NRXN1: variants seen among roughly 807,000 people sequenced by gnomAD.
NRXN1 encodes the protein neurexin 1, also known as neurexin-1.
A neutral mutation model predicts 150.9 loss-of-function variants in NRXN1; 39 were observed. That is an observed-to-expected ratio of 0.26 (90% CI 0.20 to 0.34). The LOEUF (loss-of-function observed/expected upper bound fraction) is 0.34, where lower values mean the gene tolerates loss of function less well. NRXN1 is among the 10% of genes least tolerant of loss of function. NRXN1 has a pLI of 1.00. For missense variants in NRXN1, 1,815 were observed against 1,949.9 expected (o/e 0.93, Z 1.30); for synonymous variants, 924 against 757.0 (o/e 1.22, Z -3.62).
chr2:50,890,629 A>T (rs1680909042), intron 5 of NRXN1, among the ~76,000 whole-genome samples: 1 of 151,884 alleles, frequency 6.6e-6, no homozygotes, highest in Non-Finnish European at 1.5e-5. Flanking sequence ...GTTAAGTATG[A>T]ATGTGATTAT....
chr2:51,014,179 G>A (rs767356471), intron 2 of NRXN1, among the ~76,000 whole-genome samples: 1 of 152,086 alleles, frequency 6.6e-6, no homozygotes, highest in Non-Finnish European at 1.5e-5. Flanking sequence ...CAGGATGACT[G>A]TAACACATTT....
At chr2:50,943,122 T>C (rs1459155305) in intron 2 of NRXN1, among the ~76,000 whole-genome samples, 1 of 152,074 alleles carries the variant, frequency 6.6e-6, no homozygotes, top group South Asian at 2.1e-4. Flanking sequence ...TCTGCCATCA[T>C]GTAAGGCATG....
At chr2:50,342,948 C>T (rs890442349) in intron 17 of NRXN1, among the ~76,000 whole-genome samples, 1 of 152,188 alleles carries the variant, frequency 6.6e-6, no homozygotes, top group African/African-American at 2.4e-5. Flanking sequence ...CCTACCTATC[C>T]TCTTAGAAGT....
intron 17 of NRXN1, among the ~76,000 whole-genome samples, chr2:50,337,911 T>C (rs2077296558): frequency 6.6e-6 from 1 of 152,196 alleles, no homozygotes; most frequent in Admixed American, 6.5e-5. Flanking sequence ...ATTAAAGGCA[T>C]CCAGATATCA....
At position 50,552,857 on chromosome 2, in the gene NRXN1, T is replaced by G; in HGVS notation, c.1489A>C (p.Asn497His). The part of the protein sequence containing the change: ...PESFISLPKW[N>H]AKKTGSISFD... ...GATATGGAGCCAGTTTTCTTTGCAT[T>G]CCATTTAGGCAAAGAGATGAAAGAC... Residue 497 changes from asparagine to histidine, a missense_variant, in exon 9 of 23, where the codon AAT (asparagine) becomes CAT (histidine). Coordinates refer to ENST00000401669, the MANE Select transcript of NRXN1 (RefSeq NM_001330078.2). 1 of 1,613,972 alleles carries G rather than the reference T, an allele frequency of 6.2e-7. No individual in the cohort carries two copies. Among genetic ancestry groups the G allele is most frequent in the Non-Finnish European group, 8.5e-7 (1 of 1,179,862 alleles).
intron 18 of NRXN1, among the ~76,000 whole-genome samples, chr2:50,115,165 C>G (rs886469037): frequency 1.1e-4 from 15 of 141,864 alleles, no homozygotes; most frequent in African/African-American, 3.9e-4. Flanking sequence ...TTTTGTGAAC[C>G]TAAAACTACT....
chr2:50,379,055 C>G (rs1174157096), intron 17 of NRXN1, among the ~76,000 whole-genome samples: 1 of 151,588 alleles, frequency 6.6e-6, no homozygotes, highest in East Asian at 1.9e-4. Context: ...ATTCAAAAAA[C>G]ATTTGTTTAA....
intron 5 of NRXN1, among the ~76,000 whole-genome samples, chr2:50,783,968 G>T (rs1292843475): frequency 1.1e-4 from 16 of 152,050 alleles, no homozygotes. Context: ...AAAGCTACAA[G>T]TAACAAATAT....
rs78069370 is a variant in NRXN1, at chr2:50,125,572, G to A, written c.3547-34078C>T. Among the ~76,000 whole-genome samples, 1,155 of 152,118 alleles carry A rather than the reference G, an allele frequency of 7.6e-3. 19 individuals carry two copies. The highest frequency in any genetic ancestry group is 0.026 in the African/African-American group (1,088 of 41,522). ...AAAATGGCACAACCCGGTGACAAGA[G>A]AGCAAAGATAAATCACGTTTCCTTC... On this transcript the variant is annotated intron_variant, in intron 18 of 22. Coordinates refer to ENST00000401669, the MANE Select transcript of NRXN1 (RefSeq NM_001330078.2).
At chr2:50,096,209 C>T (rs559143975) in intron 18 of NRXN1, among the ~76,000 whole-genome samples, 1 of 152,148 alleles carries the variant, frequency 6.6e-6, no homozygotes, top group Admixed American at 6.5e-5. Context: ...CTTTGAAAAA[C>T]AGTTTAATTA....
chr2:50,472,033 A>G (rs2089522169), intron 16 of NRXN1, among the ~76,000 whole-genome samples: 1 of 133,206 alleles, frequency 7.5e-6, no homozygotes. Context: ...AACAAAAACA[A>G]AAACAAAAAC....
intron 13 of NRXN1, among the ~76,000 whole-genome samples, chr2:50,498,108 C>T (rs1354520946): frequency 6.6e-6 from 1 of 152,042 alleles, no homozygotes. Flanking sequence ...AGTCACCCAA[C>T]TAGAAAGTGA....
chr2:50,818,374 G>C (rs1240989626), intron 5 of NRXN1, among the ~76,000 whole-genome samples: 1 of 151,658 alleles, frequency 6.6e-6, no homozygotes, highest in Non-Finnish European at 1.5e-5. Flanking sequence ...CAGTATATAG[G>C]TCTTTCAACT....
chr2:50,963,487 C>A (rs1693536005), intron 2 of NRXN1, among the ~76,000 whole-genome samples: 1 of 151,684 alleles, frequency 6.6e-6, no homozygotes, highest in Admixed American at 6.6e-5. Flanking sequence ...ACCTTACTAT[C>A]TTTCCTCCAA....
intron 5 of NRXN1, among the ~76,000 whole-genome samples, chr2:50,726,923 T>C (rs775491413): frequency 6.6e-6 from 1 of 152,146 alleles, no homozygotes; most frequent in East Asian, 1.9e-4. Context: ...CAATATCCTA[T>C]ATATAGTCAT....
intron 12 of NRXN1, among the ~76,000 whole-genome samples, chr2:50,509,856 CA>C (rs1312367695): frequency 6.6e-6 from 1 of 152,062 alleles, no homozygotes; most frequent in Non-Finnish European, 1.5e-5. Context: ...TTCTAACCCA[CA>C]AAGTGATGGT....
At chr2:50,584,594 T>G (rs1448578558) in intron 8 of NRXN1, among the ~76,000 whole-genome samples, 1 of 152,234 alleles carries the variant, frequency 6.6e-6, no homozygotes, top group African/African-American at 2.4e-5. Context: ...TATTCTATGT[T>G]GACATCAAAT....
chr2:50,193,608 G>C (rs1388264465), intron 18 of NRXN1, among the ~76,000 whole-genome samples: 1 of 152,032 alleles, frequency 6.6e-6, no homozygotes, highest in South Asian at 2.1e-4. Flanking sequence ...CCTGAGTAAA[G>C]CTTTATTGTG....
chr2:49,943,626 T>TAAGG, intron 22 of NRXN1, 78 bp downstream of exon 22: 2 of 911,882 alleles, frequency 2.2e-6, no homozygotes, highest in Non-Finnish European at 3.6e-6. Context: ...TACATGAATA[T>TAAGG]AAGGCCCTTC....
Sources: gnomAD v4.1 joint callset for allele counts (sites outside exome capture counted in the v4.1 genomes callset) on GRCh38, gnomAD v4.1.1 for gene constraint, MANE v1.5 for transcripts, NCBI Gene and HGNC (gene_info 2026-07-23, HGNC 2026-07-21) for gene names.